TTLL5: variants seen among roughly 807,000 people sequenced by gnomAD.
The protein encoded by TTLL5 is tubulin polyglutamylase TTLL5.
In TTLL5, 132 loss-of-function variants were observed where a neutral mutation model predicts 168.4. That is an observed-to-expected ratio of 0.78 (90% confidence interval 0.68 to 0.91). TTLL5 has a LOEUF of 0.91. Ranked by LOEUF, TTLL5 falls within the 40% of genes least tolerant of loss-of-function variation. The pLI is 0.00. For missense variants in TTLL5, 1,545 were observed against 1,581.5 expected (o/e 0.98, Z 0.39); for synonymous variants, 546 against 558.6 (o/e 0.98, Z 0.32).
chr14:75,743,575 C>T (rs74869605), intron 15 of TTLL5, among the ~76,000 whole-genome samples: 5 of 63,116 alleles, frequency 7.9e-5, no homozygotes, highest in Admixed American at 2.5e-4. Flanking sequence ...TGGCATCGCT[C>T]TTTTTTTTTT....
At chr14:75,890,211 A>G (rs2032332915) in intron 30 of TTLL5, among the ~76,000 whole-genome samples, 1 of 152,202 alleles carries the variant, frequency 6.6e-6, no homozygotes, top group African/African-American at 2.4e-5. Context: ...TAGGCCGCAT[A>G]TTTGTCATAA....
intron 31 of TTLL5, among the ~76,000 whole-genome samples, chr14:75,940,739 T>C (rs1226103931): frequency 6.6e-6 from 1 of 152,244 alleles, no homozygotes; most frequent in Admixed American, 6.5e-5. Context: ...TGAAAGTCTT[T>C]CAGAGATTTA....
intron 18 of TTLL5, among the ~76,000 whole-genome samples, chr14:75,757,178 G>T (rs761540260): frequency 6.6e-6 from 1 of 151,978 alleles, no homozygotes; most frequent in Non-Finnish European, 1.5e-5. Context: ...GGGTTTCACC[G>T]TATTGCCCAG....
Position 75,782,638 on chromosome 14 carries a change from T to A in TTLL5, c.2602+65T>A, listed in dbSNP as rs921222961. The A allele has an allele frequency of 1.2e-5, 16 of 1,304,598 alleles. No individual in the cohort carries two copies. In the African/African-American group the frequency reaches 2.4e-4, roughly 19 times the overall value. 80.8% of individuals were successfully genotyped at this position (1,304,598 alleles called of 1,614,324 possible). ...ATAATTTCCTAAAAGAAGGAAATAG[T>A]CATCAGATATTAAATATTTCTAAAG... On this transcript the variant is annotated intron_variant, in intron 25 of 31. Coordinates refer to ENST00000298832, the MANE Select transcript of TTLL5 (RefSeq NM_015072.5).
At position 75,954,434 on chromosome 14, in the gene TTLL5, C is replaced by A. The variant is rs1398956929; in HGVS notation, c.3834C>A (p.His1278Gln). Reference sequence around the variant, plus strand: ...CTTTCTCTTTTTCAGATCCTGCTCACACTAAAATATGAACCACAAACACAC... The same window carrying A: ...CTTTCTCTTTTTCAGATCCTGCTCAAACTAAAATATGAACCACAAACACAC... ...VPITSSTDPA[H>Q]TKI Residue 1278 changes from histidine to glutamine, a missense_variant, in exon 32 of 32, where the codon CAC (histidine) becomes CAA (glutamine). Transcript: ENST00000298832. 2 of 1,614,040 alleles carry A rather than the reference C, an allele frequency of 1.2e-6. No homozygotes were observed. The highest frequency in any genetic ancestry group is 2.7e-5 in the African/African-American group (2 of 75,000).
intron 23 of TTLL5, among the ~76,000 whole-genome samples, chr14:75,778,133 C>G (rs992206251): frequency 6.6e-6 from 1 of 152,088 alleles, no homozygotes; most frequent in Non-Finnish European, 1.5e-5. Flanking sequence ...CCAAGCAAGT[C>G]TAACTGGACA....
intron 29 of TTLL5, among the ~76,000 whole-genome samples, chr14:75,877,512 T>C (rs1217470818): frequency 6.6e-6 from 1 of 152,210 alleles, no homozygotes; most frequent in African/African-American, 2.4e-5. Context: ...CTGAGTCTTC[T>C]TGCTGTAGTA....
chr14:75,734,221 C>T, intron 14 of TTLL5, among the ~76,000 whole-genome samples, 171 bp downstream of exon 14: 1 of 152,212 alleles, frequency 6.6e-6, no homozygotes, highest in East Asian at 1.9e-4. Flanking sequence ...ACACTTGGCT[C>T]CATCCTGTCC....
intron 12 of TTLL5, among the ~76,000 whole-genome samples, chr14:75,724,642 T>C (rs940834323): frequency 2.0e-5 from 3 of 152,176 alleles, no homozygotes; most frequent in Non-Finnish European, 2.9e-5. Context: ...CAGGTCAAAA[T>C]GACTCAGCTT....
chr14:75,678,597 G>C (rs1449756370), intron 3 of TTLL5, among the ~76,000 whole-genome samples: 1 of 151,792 alleles, frequency 6.6e-6, no homozygotes, highest in Non-Finnish European at 1.5e-5. Context: ...CCATGACATT[G>C]ACATTTTTAA....
chr14:75,691,784 AAG>A (rs1253940118), intron 6 of TTLL5, among the ~76,000 whole-genome samples: 3 of 152,192 alleles, frequency 2.0e-5, no homozygotes, highest in Admixed American at 1.3e-4. Context: ...GCATGGGGAG[AAG>A]AGAGAGTTAT....
rs957997443 is a variant in TTLL5 at position 75,841,169 on chromosome 14, T to C, written c.3326+21008T>C. On this transcript the variant is annotated intron_variant, in intron 28 of 31. Transcript: ENST00000298832. ...CTCCCACCAGGCCCCACCACCAGCA[T>C]TGGGAATCACATTTCAACATGAGAT... 3.9e-5 allele frequency among the ~76,000 whole-genome samples: 6 copies of C among 152,194 alleles called. No homozygotes were observed. In the South Asian group the frequency reaches 6.2e-4, roughly 16 times the overall value.
intron 31 of TTLL5, among the ~76,000 whole-genome samples, chr14:75,936,281 G>A (rs8019329): frequency 0.02 from 3,027 of 152,130 alleles, 130 homozygotes; most frequent in East Asian, 0.12. Context: ...AATTTTCTAC[G>A]AAATGTCTGT....
At chr14:75,915,218 G>A (rs61980833) in intron 31 of TTLL5, among the ~76,000 whole-genome samples, 2,363 of 151,874 alleles carry the variant, frequency 0.016, 35 homozygotes, top group Non-Finnish European at 0.024. Flanking sequence ...AATTCTTTAG[G>A]TTCCTCTTAA....
intron 30 of TTLL5, among the ~76,000 whole-genome samples, chr14:75,890,710 T>C (rs983849394): frequency 2.6e-5 from 4 of 152,066 alleles, no homozygotes; most frequent in African/African-American, 7.2e-5. Context: ...TTTTCTGAAA[T>C]CTTTTTTGTT....
chr14:75,722,515 T>C (rs1477197466), intron 12 of TTLL5, among the ~76,000 whole-genome samples: 1 of 152,238 alleles, frequency 6.6e-6, no homozygotes, highest in Non-Finnish European at 1.5e-5. Context: ...ATGTTTTGTT[T>C]ATACATACAC....
chr14:75,827,707 C>CTTTTT lies in TTLL5; in HGVS notation c.3326+7573_3326+7577dup, dbSNP rs561078439. 0.011 allele frequency among the ~76,000 whole-genome samples: 573 copies of CTTTTT among 53,212 alleles called. 90 individuals are homozygous for CTTTTT. The East Asian group carries it at 0.14, about 13-fold the overall frequency. 34.9% of individuals were successfully genotyped at this position (53,212 alleles called of 152,430 possible). On this transcript the variant is annotated intron_variant, in intron 28 of 31. Coordinates refer to ENST00000298832, the MANE Select transcript of TTLL5 (RefSeq NM_015072.5). ...AATCAATACCACATTTGGCTTGGTT[C>CTTTTT]TTTTTTTTTTTTTTTTTTTTTTTTT...
At chr14:75,698,117 C>T (rs1885997789) in intron 6 of TTLL5, among the ~76,000 whole-genome samples, 2 of 152,196 alleles carry the variant, frequency 1.3e-5, no homozygotes, top group Non-Finnish European at 1.5e-5. Flanking sequence ...ACAGCTGGGA[C>T]CAGTGCTCTC....
intron 31 of TTLL5, among the ~76,000 whole-genome samples, chr14:75,933,977 C>A (rs2034356744): frequency 6.6e-6 from 1 of 152,274 alleles, no homozygotes; most frequent in African/African-American, 2.4e-5. Context: ...GGGCTTTGAG[C>A]CTCCACAACT....
Sources: gnomAD v4.1 joint callset for allele counts (sites outside exome capture counted in the v4.1 genomes callset) on GRCh38, gnomAD v4.1.1 for gene constraint, MANE v1.5 for transcripts, NCBI Gene and HGNC (gene_info 2026-07-23, HGNC 2026-07-21) for gene names.